Variants in ABCA12 observed in about 807,000 individuals in gnomAD.
ABCA12 encodes glucosylceramide transporter ABCA12.
A neutral mutation model predicts 293.5 loss-of-function variants in ABCA12; 156 were observed. The ratio of observed to expected loss-of-function variants is 0.53; its 90% CI spans 0.47 to 0.61. ABCA12 has a LOEUF of 0.61. Ranked by LOEUF, ABCA12 falls within the 20% of genes least tolerant of loss-of-function variation. The pLI, the probability that ABCA12 is intolerant of heterozygous loss-of-function variation, is 0.00. For synonymous variants in ABCA12, 1,063 were observed against 1,108.0 expected (o/e 0.96, Z 0.81); for missense variants, 2,797 against 3,090.2 (o/e 0.91, Z 2.25).
rs71428355 is a variant in ABCA12 at position 214,932,846 on chromosome 2, G to A, written c.7681-105C>T. On this transcript the variant is annotated intron_variant, in intron 52 of 52. Transcript: ENST00000272895. ...CCCCTTCCTCTCTCCTAGTGCAAGC[G>A]TGTATATATGTGTATGCAGGCCCCT... The A allele has an allele frequency of 4.9e-3, 3,828 of 777,286 alleles. 12 individuals are homozygous for A. The highest frequency in any genetic ancestry group is 7.0e-3 in the Non-Finnish European group (3,153 of 447,428). 48.1% of individuals were successfully genotyped at this position (777,286 alleles called of 1,614,324 possible). A position where few individuals can be genotyped will look rare whatever the true frequency, so the allele number is the denominator to read the frequency against.
chr2:214,964,578 C>A (rs1234123243), intron 39 of ABCA12, among the ~76,000 whole-genome samples: 3 of 152,036 alleles, frequency 2.0e-5, no homozygotes, highest in Non-Finnish European at 2.9e-5. Context: ...TTCCTATACA[C>A]CAACAGCAGG....
At chr2:215,102,355 T>C (rs958790294) in intron 2 of ABCA12, among the ~76,000 whole-genome samples, 8 of 152,172 alleles carry the variant, frequency 5.3e-5, no homozygotes, top group Non-Finnish European at 7.4e-5. Context: ...TCCCAGCACT[T>C]TGGGAGGCCG....
At chr2:215,051,743 T>G (rs919304234) in intron 5 of ABCA12, among the ~76,000 whole-genome samples, 1 of 151,658 alleles carries the variant, frequency 6.6e-6, no homozygotes, top group Non-Finnish European at 1.5e-5. Context: ...AGTCTTTTCA[T>G]GTCTAAAGAG....
chr2:214,983,779 C>A lies in ABCA12; in HGVS notation c.4250G>T (p.Arg1417Leu), dbSNP rs78964730. 2 of 1,614,010 alleles carry A rather than the reference C, an allele frequency of 1.2e-6. No homozygotes were observed. The highest frequency in any genetic ancestry group is 1.7e-6 in the Non-Finnish European group (2 of 1,180,030). ...KDIKTDLHTV[R>L]KNMGVCMQHD... ...CTGCATACAGACTCCCATGTTCTTCCGTACCGTGTGTAGGTCTGTTTTGAT... is the reference window on the plus strand; with the variant it reads ...CTGCATACAGACTCCCATGTTCTTCAGTACCGTGTGTAGGTCTGTTTTGAT... Residue 1417 changes from arginine (R) to leucine (L), a missense_variant, in exon 29 of 53, where the codon CGG becomes CTG. By Grantham distance (102) the Arg-to-Leu change is moderately radical. Coordinates refer to ENST00000272895, the MANE Select transcript of ABCA12 (RefSeq NM_173076.3).
chr2:215,024,742 G>C (rs1700702265), intron 11 of ABCA12, among the ~76,000 whole-genome samples: 2 of 152,054 alleles, frequency 1.3e-5, no homozygotes, highest in Non-Finnish European at 1.5e-5. Flanking sequence ...GAATAAACCA[G>C]TTCTAATTTC....
At chr2:215,078,739 A>G (rs925791684) in intron 2 of ABCA12, among the ~76,000 whole-genome samples, 4 of 152,238 alleles carry the variant, frequency 2.6e-5, no homozygotes, top group African/African-American at 9.6e-5. Flanking sequence ...AATGAGAAAT[A>G]GGAAAAAAAC....
chr2:215,042,108 T>C (rs947395767), intron 7 of ABCA12: 2 of 152,228 alleles, frequency 1.3e-5, no homozygotes, highest in African/African-American at 2.4e-5. Context: ...CTGTACAGCA[T>C]TGTACCTATA....
chr2:214,982,092 G>GT, intron 30 of ABCA12, 95 bp downstream of exon 30: 1 of 1,305,728 alleles, frequency 7.7e-7, no homozygotes, highest in Non-Finnish European at 1.1e-6. Flanking sequence ...GATTATAGGC[G>GT]TGAGCCACTG....
At chr2:215,010,196 G>C in intron 18 of ABCA12, 135 bp downstream of exon 18, 1 of 1,173,748 alleles carries the variant, frequency 8.5e-7, no homozygotes, top group Non-Finnish European at 1.2e-6. Flanking sequence ...TTTACTAATA[G>C]TTTCAGAAAG....
chr2:215,017,761 G>C (rs1476475751), intron 14 of ABCA12: 1 of 478,182 alleles, frequency 2.1e-6, no homozygotes, highest in Non-Finnish European at 3.7e-6. Context: ...TAAGGAAAAG[G>C]AAAGAACAAA....
chr2:214,973,357 C>CT (rs1431949062), intron 36 of ABCA12, among the ~76,000 whole-genome samples: 1 of 151,898 alleles, frequency 6.6e-6, no homozygotes, highest in African/African-American at 2.4e-5. Context: ...TAATAGTGAC[C>CT]TTTTTTCTTC....
chr2:215,025,166 G>C (rs1243876894), intron 11 of ABCA12, among the ~76,000 whole-genome samples: 1 of 151,656 alleles, frequency 6.6e-6, no homozygotes, highest in Non-Finnish European at 1.5e-5. Flanking sequence ...TTCAAATTAT[G>C]AAGTTTAATA....
intron 5 of ABCA12, among the ~76,000 whole-genome samples, chr2:215,050,577 G>C (rs1701300536): frequency 1.3e-5 from 2 of 152,012 alleles, no homozygotes; most frequent in South Asian, 4.1e-4. Flanking sequence ...GACTTAAGGG[G>C]TCCATCTTAA....
chr2:214,994,751 CA>C (rs1276309692), intron 23 of ABCA12, among the ~76,000 whole-genome samples: 15 of 152,090 alleles, frequency 9.9e-5, no homozygotes, highest in South Asian at 2.1e-4. Context: ...CAGGAAAGCA[CA>C]AAAAAATTGT....
chr2:214,967,446 C>A (rs756293052), intron 38 of ABCA12, among the ~76,000 whole-genome samples: 6 of 152,164 alleles, frequency 3.9e-5, no homozygotes, highest in East Asian at 1.9e-4. Context: ...TATAACCTAC[C>A]AAATGGGGCG....
chr2:215,115,057 A>G (rs1330803788), intron 1 of ABCA12, among the ~76,000 whole-genome samples: 1 of 152,182 alleles, frequency 6.6e-6, no homozygotes, highest in Non-Finnish European at 1.5e-5. Flanking sequence ...TTTAAAATTA[A>G]TTTTAAACAT....
chr2:214,970,543 G>A, intron 36 of ABCA12, 143 bp from the exon 37 acceptor site: 1 of 898,138 alleles, frequency 1.1e-6, no homozygotes, highest in Admixed American at 2.7e-5. Flanking sequence ...ACTCTAAAGA[G>A]CTTTGAAAAA....
rs267606622 is a variant in ABCA12 at position 214,990,791 on chromosome 2, C to T, written c.3535G>A (p.Gly1179Arg). Reference protein sequence around the residue: ...FNNTNIAALIGSLIYIIAFFP... With the variant: ...FNNTNIAALIRSLIYIIAFFP... ...AAGGCAATGATGTAGATGAGGCTTC[C>T]GATCAGAGCTGCAATGTTGGTGTTG... The change falls in exon 24 of 53, where the codon GGA becomes AGA. Residue 1179 changes from glycine (G) to arginine (R), a missense_variant. By Grantham distance (125) the Gly-to-Arg change is moderately radical (BLOSUM62 -2). This residue lies in a region of ABCA12 where 2,130 missense variants were observed against 2,427.0 expected (regional missense o/e 0.88). Coordinates refer to ENST00000272895, the MANE Select transcript of ABCA12 (RefSeq NM_173076.3). 14 of 1,614,038 alleles carry T rather than the reference C, an allele frequency of 8.7e-6. No homozygotes were observed. Among genetic ancestry groups the T allele is most frequent in the Non-Finnish European group, 1.1e-5 (13 of 1,179,980 alleles).
At chr2:215,022,232 T>C (rs1052241500) in intron 11 of ABCA12, 2 of 152,362 alleles carry the variant, frequency 1.3e-5, no homozygotes, top group East Asian at 1.9e-4. Context: ...AAGTTTGGTG[T>C]ACATATGTGG....
Sources: allele counts gnomAD v4.1 joint callset (sites outside exome capture counted in the v4.1 genomes callset), GRCh38; gene constraint gnomAD v4.1.1; regional missense constraint gnomAD v4.1.1; transcripts MANE v1.5; gene names NCBI Gene and HGNC (gene_info 2026-07-23, HGNC 2026-07-21).